QSOX1: variants seen among roughly 807,000 people sequenced by gnomAD.
The protein encoded by QSOX1 is quiescin sulfhydryl oxidase 1.
In QSOX1, 40 loss-of-function variants were observed where a neutral mutation model predicts 76.1. The ratio of observed to expected loss-of-function variants is 0.53; its 90% confidence interval spans 0.41 to 0.68. The LOEUF (loss-of-function observed/expected upper bound fraction) is 0.68, where lower values mean the gene tolerates loss of function less well. Among genes scored for constraint, QSOX1 ranks in the 30% least tolerant of loss-of-function variants. The probability of loss-of-function intolerance (pLI) is 0.00; values close to 1 mark genes in which losing one functional copy is unlikely to be tolerated. For synonymous variants in QSOX1, 392 were observed against 413.1 expected, an observed-to-expected ratio of 0.95 and a Z score of 0.62; for missense variants, 931 against 974.3, an observed-to-expected ratio of 0.96 and a Z score of 0.59.
intron 8 of QSOX1, among the ~76,000 whole-genome samples, chr1:180,186,864 CT>C (rs1663188033): frequency 6.6e-6 from 1 of 152,260 alleles, no homozygotes; most frequent in Non-Finnish European, 1.5e-5. Flanking sequence ...GCCTGTGCTC[CT>C]TCCTCTCTGA....
chr1:180,191,086 C>A (rs998767223), intron 10 of QSOX1, among the ~76,000 whole-genome samples: 3 of 152,200 alleles, frequency 2.0e-5, no homozygotes, highest in African/African-American at 7.2e-5. Flanking sequence ...ACAAACTGCA[C>A]CACCATGTTC....
intron 9 of QSOX1, 33 bp from the exon 10 acceptor site, chr1:180,190,400 C>G: frequency 1.3e-6 from 2 of 1,598,444 alleles, no homozygotes; most frequent in Non-Finnish European, 8.6e-7. Flanking sequence ...TTTTCCTTCT[C>G]CATATGTGCA....
At position 180,164,483 on chromosome 1, in the gene QSOX1, G is replaced by A. The variant is rs569534201; in HGVS notation, c.266-2008G>A. Among the ~76,000 whole-genome samples the A allele has an allele frequency of 3.3e-5, 5 of 152,290 alleles. No homozygotes were observed. The East Asian group carries it at 9.7e-4, about 29-fold the overall frequency. ...AATGCCAAAAGCAGACTACCAGCAAGAAAGGTGGGGGAAAGAAGGGGGTGG... is the reference window on the plus strand; with the variant it reads ...AATGCCAAAAGCAGACTACCAGCAAAAAAGGTGGGGGAAAGAAGGGGGTGG... On this transcript the variant is annotated intron_variant, in intron 1 of 11. Transcript: ENST00000367602.
At chr1:180,158,323 C>G (rs151138822) in intron 1 of QSOX1, among the ~76,000 whole-genome samples, 16 of 152,288 alleles carry the variant, frequency 1.1e-4, no homozygotes, top group African/African-American at 3.9e-4. Flanking sequence ...GTTTTGCCCC[C>G]CTTCTCTTCC....
chr1:180,167,262 A>G (rs1662651709), intron 2 of QSOX1, among the ~76,000 whole-genome samples: 2 of 152,234 alleles, frequency 1.3e-5, no homozygotes, highest in African/African-American at 4.8e-5. Context: ...CCTGGCTCCA[A>G]TCCAATTAGT....
chr1:180,179,453 G>A (rs551961297), intron 5 of QSOX1, among the ~76,000 whole-genome samples: 1 of 152,384 alleles, frequency 6.6e-6, no homozygotes, highest in South Asian at 2.1e-4. Context: ...CTAGAAAGCA[G>A]GGATGATTAC....
rs73040489 is a variant in QSOX1, at chr1:180,199,071, A to G, written c.*2034A>G. On this transcript the variant is annotated 3_prime_UTR_variant, in exon 12 of 12. Transcript: ENST00000367602. Reference sequence around the variant, plus strand: ...CTGCACAGTGTGTAGCCCAGCCTCCAGGTCCACGGAGTGGTGTGGACCTCC... The same window carrying G: ...CTGCACAGTGTGTAGCCCAGCCTCCGGGTCCACGGAGTGGTGTGGACCTCC... 11,272 of 152,726 alleles carry G rather than the reference A, an allele frequency of 0.074. 561 individuals are homozygous for G. Among genetic ancestry groups the G allele is most frequent in the East Asian group, 0.18 (911 of 5,172 alleles). 9.5% of individuals were successfully genotyped at this position (152,726 alleles called of 1,614,324 possible). A position where few individuals can be genotyped will look rare whatever the true frequency, so the allele number is the denominator to read the frequency against.
rs977986872 is a variant in QSOX1, at chr1:180,201,489, C to T, written c.*4452C>T. On this transcript the variant is annotated 3_prime_UTR_variant, in exon 12 of 12. Transcript: ENST00000367602. ...ACCCCTTTCACCCCTCCCTCCACCA[C>T]CTCTGAAAGGTGCTCCTTGGGCAGG... is the stretch of plus-strand genomic sequence containing the variant. The T allele has an allele frequency of 6.6e-6, 1 of 152,372 alleles. No individual in the cohort carries two copies. Among genetic ancestry groups the T allele is most frequent in the Admixed American group, 6.5e-5 (1 of 15,288 alleles). The allele number at this position is 152,372 out of a possible 1,614,324, so 9.4% of individuals were successfully genotyped here.
In QSOX1 at chr1:180,190,417, C is replaced by G. The variant is rs529448974; in HGVS notation, c.1141-16C>G. ...TTCCTTCTCCATATGTGCACTCACA[C>G]TCATGTGTCCCTCAGGGTGCCGTTC... On this transcript the variant is annotated splice_polypyrimidine_tract_variant and intron_variant, in intron 9 of 11. Coordinates refer to ENST00000367602, the MANE Select transcript of QSOX1 (RefSeq NM_002826.5). 6.2e-7 allele frequency: 1 copy of G among 1,609,526 alleles called. No homozygotes were observed. Among genetic ancestry groups the G allele is most frequent in the Non-Finnish European group, 8.5e-7 (1 of 1,175,842 alleles).
At chr1:180,174,212 C>G (rs1032770306) in intron 2 of QSOX1, among the ~76,000 whole-genome samples, 6 of 152,242 alleles carry the variant, frequency 3.9e-5, no homozygotes, top group Non-Finnish European at 1.5e-5. Context: ...AACTGTGTTC[C>G]CTCCTGAATC....
intron 4 of QSOX1, among the ~76,000 whole-genome samples, chr1:180,176,860 G>A (rs561420124): frequency 3.9e-5 from 6 of 152,206 alleles, no homozygotes; most frequent in South Asian, 2.1e-4. Context: ...CTGTTGGTGC[G>A]CAGAGGCTCT....
chr1:180,194,499 C>T, intron 11 of QSOX1, 107 bp downstream of exon 11: 4 of 1,098,058 alleles, frequency 3.6e-6, no homozygotes, highest in African/African-American at 1.6e-5. Context: ...TCATTGTCCC[C>T]TCAGTCACAG....
In QSOX1 at chr1:180,198,291, G is replaced by A. The variant is rs1451131030; in HGVS notation, c.*1254G>A. The stretch of plus-strand genomic sequence containing the variant: ...TGAGAGCTCCTGCCTCAGTGCCCTG[G>A]GCTGGTGAGGGAGAAGCCTGTCTGC... On this transcript the variant is annotated 3_prime_UTR_variant, in exon 12 of 12. Coordinates refer to ENST00000367602, the MANE Select transcript of QSOX1 (RefSeq NM_002826.5). 1 of 456,652 alleles carries A rather than the reference G, an allele frequency of 2.2e-6. No individual in the cohort carries two copies. Among genetic ancestry groups the A allele is most frequent in the Admixed American group, 2.3e-5 (1 of 42,572 alleles). The allele number at this position is 456,652 out of a possible 1,614,324, so 28.3% of individuals were successfully genotyped here.
chr1:180,180,352 A>G (rs973206558), intron 5 of QSOX1, among the ~76,000 whole-genome samples: 1 of 152,054 alleles, frequency 6.6e-6, no homozygotes, highest in Admixed American at 6.5e-5. Flanking sequence ...CTGGGATTAC[A>G]GGCATGCACC....
chr1:180,166,796 G>A (rs988579268), intron 2 of QSOX1, among the ~76,000 whole-genome samples: 1 of 152,222 alleles, frequency 6.6e-6, no homozygotes, highest in Non-Finnish European at 1.5e-5. Flanking sequence ...CAAGCCTTAA[G>A]AGGTCTGATC....
At chr1:180,175,766 C>T (rs1662873956) in intron 3 of QSOX1, among the ~76,000 whole-genome samples, 165 bp from the exon 4 acceptor site, 1 of 152,220 alleles carries the variant, frequency 6.6e-6, no homozygotes, top group Admixed American at 6.5e-5. Context: ...AGGAGGACTA[C>T]TCAAGCCCCA....
intron 2 of QSOX1, among the ~76,000 whole-genome samples, chr1:180,171,219 C>T (rs960576314): frequency 7.2e-5 from 11 of 152,172 alleles, no homozygotes; most frequent in Non-Finnish European, 1.5e-4. Context: ...CCCAAAAATA[C>T]GTCATCATCT....
intron 2 of QSOX1, among the ~76,000 whole-genome samples, chr1:180,168,203 C>A (rs1278066650): frequency 6.6e-6 from 1 of 152,236 alleles, no homozygotes; most frequent in African/African-American, 2.4e-5. Context: ...CCATGTCACG[C>A]AGCGCACGCA....
intron 2 of QSOX1, among the ~76,000 whole-genome samples, chr1:180,170,307 T>G (rs1294146113): frequency 1.3e-5 from 2 of 152,150 alleles, no homozygotes; most frequent in Admixed American, 6.5e-5. Context: ...CAGCTGCTGT[T>G]TTTGAGGTCT....
Sources: gnomAD v4.1 joint callset for allele counts (sites outside exome capture counted in the v4.1 genomes callset) on GRCh38, gnomAD v4.1.1 for gene constraint, MANE v1.5 for transcripts, NCBI Gene and HGNC (gene_info 2026-07-23, HGNC 2026-07-21) for gene names.